The following RLN2 variants were observed in gnomAD, a reference collection of about 807,000 sequenced individuals.
RLN2 encodes relaxin 2, also known as prorelaxin H2.
In RLN2, 10 loss-of-function variants were observed where a neutral mutation model predicts 7.3. The observed-to-expected ratio is 1.36, with a 90% CI of 0.84 to 2.31. The LOEUF (loss-of-function observed/expected upper bound fraction) is 2.31. Ranked by LOEUF, RLN2 falls within the 30% of genes most tolerant of loss-of-function variation. RLN2 has a pLI of 0.00. For missense variants in RLN2, 298 were observed against 217.6 expected (o/e 1.37, Z -2.32); for synonymous variants, 103 against 82.3 (o/e 1.25, Z -1.36).
chr9:5,333,927 T>C, the RLN2 span, among the ~76,000 whole-genome samples: 1 of 152,074 alleles, frequency 6.6e-6, no homozygotes, highest in Non-Finnish European at 1.5e-5. Flanking sequence ...ACCATATGAT[T>C]ATCTTAACAG....
chr9:5,302,299 G>A (rs887185576), intron 1 of RLN2, among the ~76,000 whole-genome samples: 20 of 152,132 alleles, frequency 1.3e-4, no homozygotes, highest in African/African-American at 4.8e-4. Flanking sequence ...TATTTTGGAT[G>A]TAAATCTCAC....
At chr9:5,335,732 C>T in the RLN2 span, 2 of 625,952 alleles carry the variant, frequency 3.2e-6, no homozygotes, top group South Asian at 2.1e-5. Context: ...AACACAAAAG[C>T]ATCCTAATAT....
chr9:5,313,260 G>A, the RLN2 span, among the ~76,000 whole-genome samples: 4 of 151,956 alleles, frequency 2.6e-5, no homozygotes, highest in Non-Finnish European at 4.4e-5. Flanking sequence ...CTCTGATGTT[G>A]AATGCATATG....
the RLN2 span, among the ~76,000 whole-genome samples, chr9:5,325,239 A>C: frequency 6.6e-6 from 1 of 151,942 alleles, no homozygotes; most frequent in Admixed American, 6.6e-5. Context: ...CCCAGTCTAC[A>C]CAAGACACAG....
chr9:5,333,407 A>C, the RLN2 span, among the ~76,000 whole-genome samples: 10 of 152,064 alleles, frequency 6.6e-5, no homozygotes, highest in Non-Finnish European at 1.3e-4. Context: ...CTATGCAAAT[A>C]AACTGGAAAA....
the RLN2 span, among the ~76,000 whole-genome samples, chr9:5,336,977 G>T: frequency 1.3e-5 from 2 of 151,862 alleles, no homozygotes; most frequent in Non-Finnish European, 2.9e-5. Context: ...GTTGGAGTTT[G>T]ACAGAGCAAT....
At chr9:5,336,285 G>A in the RLN2 span, among the ~76,000 whole-genome samples, 4 of 152,056 alleles carry the variant, frequency 2.6e-5, 1 homozygote, top group Non-Finnish European at 5.9e-5. Context: ...TTTAAGAAGA[G>A]ATTCATATGT....
At chr9:5,329,235 G>A in the RLN2 span, among the ~76,000 whole-genome samples, 94 of 147,012 alleles carry the variant, frequency 6.4e-4, 1 homozygote, top group African/African-American at 2.3e-3. Flanking sequence ...CCCGGGAAGC[G>A]GAGCTTGCAG....
At chr9:5,327,820 T>A in the RLN2 span, among the ~76,000 whole-genome samples, 1 of 151,784 alleles carries the variant, frequency 6.6e-6, no homozygotes. Flanking sequence ...AGCTGAGGGG[T>A]CTGACTGTTA....
the RLN2 span, among the ~76,000 whole-genome samples, chr9:5,320,896 G>A: frequency 6.6e-6 from 1 of 152,020 alleles, no homozygotes; most frequent in Non-Finnish European, 1.5e-5. Context: ...GTAACAGATG[G>A]AAGCCAGCTA....
the RLN2 span, among the ~76,000 whole-genome samples, chr9:5,325,274 C>G: frequency 1.3e-5 from 2 of 151,674 alleles, no homozygotes; most frequent in Non-Finnish European, 2.9e-5. Context: ...GTCACAGAAA[C>G]TACTGGAAGT....
the RLN2 span, among the ~76,000 whole-genome samples, chr9:5,315,866 A>T: frequency 6.6e-6 from 1 of 152,114 alleles, no homozygotes; most frequent in Non-Finnish European, 1.5e-5. Context: ...TTAGAGATGA[A>T]GGAGAAATAA....
At chr9:5,317,145 C>G in the RLN2 span, among the ~76,000 whole-genome samples, 1 of 151,724 alleles carries the variant, frequency 6.6e-6, no homozygotes, top group Non-Finnish European at 1.5e-5. Context: ...CAAAGATAAA[C>G]AACAAACAAA....
At chr9:5,330,480 T>C in the RLN2 span, among the ~76,000 whole-genome samples, 1 of 150,542 alleles carries the variant, frequency 6.6e-6, no homozygotes, top group African/African-American at 2.4e-5. Context: ...CTACTAAAAA[T>C]ACAAAAAATT....
the RLN2 span, among the ~76,000 whole-genome samples, chr9:5,321,723 T>A: frequency 0.25 from 37,472 of 151,106 alleles, 4,898 homozygotes; most frequent in East Asian, 0.4. Flanking sequence ...TGGAGGCATC[T>A]GCCTAAACAC....
At chr9:5,327,064 C>T in the RLN2 span, among the ~76,000 whole-genome samples, 1 of 152,006 alleles carries the variant, frequency 6.6e-6, no homozygotes, top group Non-Finnish European at 1.5e-5. Flanking sequence ...GGGCAGCCCA[C>T]AGAGGGTGAG....
chr9:5,320,352 C>A, the RLN2 span, among the ~76,000 whole-genome samples: 772 of 151,980 alleles, frequency 5.1e-3, 11 homozygotes, highest in East Asian at 0.01. Context: ...TGGACACTAA[C>A]AAGGACACAA....
the RLN2 span, among the ~76,000 whole-genome samples, chr9:5,318,746 AT>A: frequency 1.4e-4 from 21 of 150,988 alleles, no homozygotes; most frequent in South Asian, 1.0e-3. Context: ...TGAGGATTCT[AT>A]TTTTTTTTAA....
At chr9:5,323,209 TCA>T in the RLN2 span, among the ~76,000 whole-genome samples, 1 of 151,948 alleles carries the variant, frequency 6.6e-6, no homozygotes. Context: ...AGTATCTGTC[TCA>T]GTCATCTGGC....
Sources: allele counts gnomAD v4.1 joint callset (sites outside exome capture counted in the v4.1 genomes callset), GRCh38; gene constraint gnomAD v4.1.1; transcripts MANE v1.5; gene names NCBI Gene and HGNC (gene_info 2026-07-23, HGNC 2026-07-21).